XKR6: variants seen among roughly 807,000 people sequenced by gnomAD.
XKR6 encodes XK related 6.
Under a neutral mutation model 56.7 loss-of-function variants are expected in XKR6, and 22 were observed. The observed-to-expected ratio is 0.39, with a 90% CI of 0.28 to 0.55. The LOEUF is 0.55. Ranked by LOEUF, XKR6 falls within the 20% of genes least tolerant of loss-of-function variation. The pLI, the probability that XKR6 is intolerant of heterozygous loss-of-function variation, is 0.66. For missense variants in XKR6, 852 were observed against 889.0 expected (o/e 0.96, Z 0.53); for synonymous variants, 524 against 387.8 (o/e 1.35, Z -4.13).
chr8:11,018,403 AAACTCAGGAAGG>A (rs1798674852), intron 1 of XKR6, among the ~76,000 whole-genome samples: 1 of 152,180 alleles, frequency 6.6e-6, no homozygotes, highest in Non-Finnish European at 1.5e-5. Flanking sequence ...TCCCCTGCAC[AAACTCAGGAAGG>A]GAGCGATGGC....
chr8:11,015,122 G>A (rs1717734628), intron 1 of XKR6, among the ~76,000 whole-genome samples: 2 of 152,032 alleles, frequency 1.3e-5, no homozygotes, highest in South Asian at 2.1e-4. Context: ...GAGGCGCTTG[G>A]GGGCGCCTCT....
At chr8:11,147,654 C>CAAAA (rs35057185) in intron 1 of XKR6, among the ~76,000 whole-genome samples, 5,548 of 100,318 alleles carry the variant, frequency 0.055, 164 homozygotes, top group South Asian at 0.11. Context: ...GACTCTGTCT[C>CAAAA]AAAAAAAAAA....
intron 1 of XKR6, among the ~76,000 whole-genome samples, chr8:10,957,440 A>T (rs1801923759): frequency 6.6e-6 from 1 of 152,172 alleles, no homozygotes; most frequent in South Asian, 2.1e-4. Context: ...CACAGAGCTC[A>T]GGGAGCCTCT....
chr8:11,132,217 G>C (rs1048391095), intron 1 of XKR6, among the ~76,000 whole-genome samples: 2 of 152,066 alleles, frequency 1.3e-5, no homozygotes, highest in African/African-American at 4.8e-5. Flanking sequence ...TTGTCTTTGA[G>C]ACAAGTTATC....
chr8:11,109,998 A>C (rs1041121838), intron 1 of XKR6, among the ~76,000 whole-genome samples: 1 of 152,080 alleles, frequency 6.6e-6, no homozygotes, highest in Non-Finnish European at 1.5e-5. Context: ...TTTGACATGG[A>C]GTCTTACTCT....
chr8:11,061,482 T>A lies in XKR6; in HGVS notation c.765-136652A>T, dbSNP rs972023150. 1.1e-4 allele frequency among the ~76,000 whole-genome samples: 16 copies of A among 151,118 alleles called. No homozygotes were observed. In the East Asian group the frequency reaches 1.4e-3, roughly 13 times the overall value. On this transcript the variant is annotated intron_variant, in intron 1 of 2. Coordinates refer to ENST00000416569, the MANE Select transcript of XKR6 (RefSeq NM_173683.4). ...ACCCTGTCTCAAAAAAAAAAAAAAA[T>A]TTCTGAACCAGTAAAAATGGGAACA...
At position 11,054,521 on chromosome 8, in the gene XKR6, G is replaced by A. The variant is rs371418101; in HGVS notation, c.765-129691C>T. 1.1e-3 allele frequency among the ~76,000 whole-genome samples: 164 copies of A among 152,312 alleles called. 4 individuals carry two copies. Among genetic ancestry groups the A allele is most frequent in the African/African-American group, 3.8e-3 (159 of 41,566 alleles). On this transcript the variant is annotated intron_variant, in intron 1 of 2. Transcript: ENST00000416569. Reference sequence around the variant, plus strand: ...TGGGTGGGCACAGAGTCCTGCAGTAGCAGTGAAGAGCTACATAAATCCACC... The same window carrying A: ...TGGGTGGGCACAGAGTCCTGCAGTAACAGTGAAGAGCTACATAAATCCACC...
At chr8:11,098,010 G>A (rs1798325889) in intron 1 of XKR6, among the ~76,000 whole-genome samples, 1 of 151,918 alleles carries the variant, frequency 6.6e-6, no homozygotes, top group Non-Finnish European at 1.5e-5. Flanking sequence ...TCTGGGAACC[G>A]GTGCAATTTT....
At chr8:11,067,403 G>C (rs1188328738) in intron 1 of XKR6, among the ~76,000 whole-genome samples, 3 of 152,218 alleles carry the variant, frequency 2.0e-5, no homozygotes, top group Non-Finnish European at 4.4e-5. Flanking sequence ...TCTCCTCGAA[G>C]CATCAGAGTC....
chr8:10,956,700 T>G (rs10086872), intron 1 of XKR6, among the ~76,000 whole-genome samples: 27,318 of 152,088 alleles, frequency 0.18, 3,308 homozygotes, highest in African/African-American at 0.35. Context: ...ATCGTGCCAA[T>G]GGTTTCAAAG....
chr8:11,034,365 G>T (rs185338842), intron 1 of XKR6, among the ~76,000 whole-genome samples: 1 of 152,298 alleles, frequency 6.6e-6, no homozygotes, highest in African/African-American at 2.4e-5. Flanking sequence ...CAGGCCGAGA[G>T]AGCATCATGG....
chr8:11,196,498 G>T (rs760672776), intron 1 of XKR6, among the ~76,000 whole-genome samples: 1 of 152,140 alleles, frequency 6.6e-6, no homozygotes, highest in African/African-American at 2.4e-5. Flanking sequence ...GCATACCCTT[G>T]AGTACACCTG....
At chr8:10,977,810 T>C (rs550995877) in intron 1 of XKR6, among the ~76,000 whole-genome samples, 11 of 151,814 alleles carry the variant, frequency 7.2e-5, no homozygotes, top group Middle Eastern at 6.8e-3. Context: ...TCCAAGTGTG[T>C]GGAAGGATCC....
chr8:11,060,322 T>TGCCTCCAC (rs1174817733), intron 1 of XKR6, among the ~76,000 whole-genome samples: 1 of 152,108 alleles, frequency 6.6e-6, no homozygotes, highest in Non-Finnish European at 1.5e-5. Flanking sequence ...CCTGCCTCCA[T>TGCCTCCAC]GCCTCCACGC....
intron 1 of XKR6, among the ~76,000 whole-genome samples, chr8:11,160,924 A>AAAAAAAAG (rs1801772882): frequency 6.6e-6 from 1 of 151,308 alleles, no homozygotes; most frequent in Non-Finnish European, 1.5e-5. Flanking sequence ...AAAAAAAAAA[A>AAAAAAAAG]AAAAAAAGAA....
At chr8:10,900,894 G>C (rs191343952) in intron 2 of XKR6, among the ~76,000 whole-genome samples, 8 of 108,590 alleles carry the variant, frequency 7.4e-5, no homozygotes, top group African/African-American at 3.0e-4. Context: ...TTACCCTGTC[G>C]CTCAGGCTGG....
intron 1 of XKR6, among the ~76,000 whole-genome samples, chr8:10,963,538 G>C (rs1289829637): frequency 8.2e-6 from 1 of 121,508 alleles, no homozygotes; most frequent in East Asian, 2.0e-4. Context: ...ACACAAAGAA[G>C]ACCCTTCCTT....
Position 11,161,973 on chromosome 8 carries a change from G to C in XKR6, c.764+38603C>G, listed in dbSNP as rs556788021. ...ATGAGAAAGAAAAAGAAAAGAGGAA[G>C]GCCCACCAGAGGACCTTTTCTCATC... On this transcript the variant is annotated intron_variant, in intron 1 of 2. Coordinates refer to ENST00000416569, the MANE Select transcript of XKR6 (RefSeq NM_173683.4). Among the ~76,000 whole-genome samples the C allele has an allele frequency of 8.2e-4, 125 of 152,132 alleles. 1 individual carries two copies. Among genetic ancestry groups the C allele is most frequent in the African/African-American group, 3.0e-3 (123 of 41,524 alleles).
intron 1 of XKR6, among the ~76,000 whole-genome samples, chr8:10,965,775 G>A (rs1207916215): frequency 1.3e-5 from 2 of 152,248 alleles, no homozygotes; most frequent in African/African-American, 4.8e-5. Flanking sequence ...ACGAAAGTGA[G>A]AACGATTGAA....
Sources: allele counts gnomAD v4.1 joint callset (sites outside exome capture counted in the v4.1 genomes callset), GRCh38; gene constraint gnomAD v4.1.1; transcripts MANE v1.5; gene names NCBI Gene and HGNC (gene_info 2026-07-23, HGNC 2026-07-21).